SEMA3D: variants seen among roughly 807,000 people sequenced by gnomAD.
SEMA3D encodes semaphorin 3D.
A neutral mutation model predicts 100.1 loss-of-function variants in SEMA3D; 84 were observed. The observed-to-expected ratio is 0.84, with a 90% CI of 0.70 to 1.01. SEMA3D has a LOEUF of 1.01. Among genes scored for constraint, SEMA3D ranks in the 50% least tolerant of loss-of-function variants. SEMA3D has a pLI of 0.00. For synonymous variants in SEMA3D, 312 were observed against 320.7 expected, an observed-to-expected ratio of 0.97 and a Z score of 0.29; for missense variants, 875 against 934.1, an observed-to-expected ratio of 0.94 and a Z score of 0.82.
At chr7:85,119,997 C>A (rs1789363453) in intron 3 of SEMA3D, among the ~76,000 whole-genome samples, 2 of 148,418 alleles carry the variant, frequency 1.3e-5, no homozygotes, top group East Asian at 2.0e-4. Flanking sequence ...GTCTTGCATA[C>A]AATGATGCAG....
chr7:85,135,572 G>A (rs1357483317), intron 2 of SEMA3D, among the ~76,000 whole-genome samples: 3 of 151,518 alleles, frequency 2.0e-5, no homozygotes, highest in African/African-American at 4.9e-5. Flanking sequence ...GAGTTAATGG[G>A]TGCAGCACAC....
chr7:85,123,503 G>T (rs972418559), intron 2 of SEMA3D, among the ~76,000 whole-genome samples: 1 of 152,076 alleles, frequency 6.6e-6, no homozygotes, highest in African/African-American at 2.4e-5. Context: ...GTATTAAAAT[G>T]TCTCCCAGAC....
the SEMA3D span, among the ~76,000 whole-genome samples, chr7:85,243,052 A>C: frequency 6.6e-6 from 1 of 152,110 alleles, no homozygotes; most frequent in South Asian, 2.1e-4. Context: ...GTTATCACCA[A>C]CCAGTTCTGC....
intron 15 of SEMA3D, among the ~76,000 whole-genome samples, chr7:85,016,541 C>T (rs919995595): frequency 4.6e-5 from 7 of 151,556 alleles, no homozygotes; most frequent in South Asian, 2.1e-4. Context: ...TCTATTTCCT[C>T]CCCTCCCTTG....
chr7:85,075,103 G>T (rs1583897802), intron 5 of SEMA3D, among the ~76,000 whole-genome samples: 2 of 152,158 alleles, frequency 1.3e-5, no homozygotes, highest in South Asian at 2.1e-4. Context: ...TTATTCCTTG[G>T]TTTTTCCTGC....
At chr7:85,236,307 T>G in the SEMA3D span, among the ~76,000 whole-genome samples, 6 of 137,538 alleles carry the variant, frequency 4.4e-5, no homozygotes, top group East Asian at 2.7e-4. Context: ...ATTTATTTAT[T>G]TATTTATTTA....
At chr7:85,248,604 A>T in the SEMA3D span, among the ~76,000 whole-genome samples, 1 of 152,174 alleles carries the variant, frequency 6.6e-6, no homozygotes, top group South Asian at 2.1e-4. Context: ...ATATAGAAAT[A>T]AAACGTGATA....
intron 4 of SEMA3D, among the ~76,000 whole-genome samples, chr7:85,094,074 T>C (rs528913813): frequency 3.3e-5 from 5 of 152,076 alleles, no homozygotes; most frequent in African/African-American, 4.8e-5. Context: ...CAGAACTTGA[T>C]AGTAAATTAT....
At position 85,079,609 on chromosome 7, in the gene SEMA3D, G is replaced by A. The variant is rs536642459; in HGVS notation, c.375+1908C>T. Among the ~76,000 whole-genome samples the A allele has an allele frequency of 2.0e-5, 3 of 152,182 alleles. No homozygotes were observed. In the South Asian group the frequency reaches 6.2e-4, roughly 32 times the overall value. On this transcript the variant is annotated intron_variant, in intron 5 of 18. Transcript: ENST00000284136. Reference sequence around the variant, plus strand: ...TTAAGTTACTATGTAACTGGAATTAGTGAACATACCCAAGTGAGAGCACTG... The same window carrying A: ...TTAAGTTACTATGTAACTGGAATTAATGAACATACCCAAGTGAGAGCACTG...
At chr7:85,242,298 T>A in the SEMA3D span, among the ~76,000 whole-genome samples, 1 of 152,198 alleles carries the variant, frequency 6.6e-6, no homozygotes, top group Non-Finnish European at 1.5e-5. Flanking sequence ...TCTAATATAA[T>A]TATTCAGTGC....
intron 1 of SEMA3D, chr7:85,160,154 G>C (rs1184918424): frequency 2.0e-6 from 1 of 497,420 alleles, no homozygotes; most frequent in South Asian, 8.8e-5. Context: ...TTATTGATCT[G>C]ATAGAAAACA....
the SEMA3D span, among the ~76,000 whole-genome samples, chr7:85,202,003 A>C: frequency 6.6e-6 from 1 of 151,820 alleles, no homozygotes; most frequent in Non-Finnish European, 1.5e-5. Flanking sequence ...TACAGGCATG[A>C]GCTATCACAC....
At chr7:85,034,460 A>T (rs1264433787) in intron 12 of SEMA3D, among the ~76,000 whole-genome samples, 1 of 151,776 alleles carries the variant, frequency 6.6e-6, no homozygotes, top group Non-Finnish European at 1.5e-5. Flanking sequence ...TACAAAAATT[A>T]GCTGGGCATG....
At chr7:85,141,218 C>T (rs1790042457) in intron 2 of SEMA3D, 1 of 983,880 alleles carries the variant, frequency 1.0e-6, no homozygotes, top group South Asian at 4.7e-5. Flanking sequence ...AACCCCCTCT[C>T]TTATTTTTCA....
intron 1 of SEMA3D, among the ~76,000 whole-genome samples, chr7:85,171,876 T>A (rs1185860164): frequency 6.6e-6 from 1 of 151,850 alleles, no homozygotes; most frequent in African/African-American, 2.4e-5. Flanking sequence ...ATTGTTTCCT[T>A]CTCTTGATTT....
intron 3 of SEMA3D, among the ~76,000 whole-genome samples, chr7:85,120,568 T>G (rs879513242): frequency 2.7e-5 from 4 of 149,072 alleles, no homozygotes; most frequent in Non-Finnish European, 5.9e-5. Context: ...CTCAGGAGGC[T>G]GAGGTGGGAG....
At chr7:85,178,375 T>C (rs1791299109) in intron 1 of SEMA3D, among the ~76,000 whole-genome samples, 2 of 152,170 alleles carry the variant, frequency 1.3e-5, no homozygotes, top group South Asian at 4.1e-4. Context: ...CTTCTGAGAC[T>C]TGTTGAATGG....
chr7:85,156,873 T>A (rs909810236), intron 1 of SEMA3D, among the ~76,000 whole-genome samples: 2 of 152,194 alleles, frequency 1.3e-5, no homozygotes, highest in African/African-American at 4.8e-5. Context: ...AGACAGTTTA[T>A]GGAAATCCCC....
At chr7:85,023,934 CT>C (rs1250430659) in intron 12 of SEMA3D, among the ~76,000 whole-genome samples, 4 of 151,812 alleles carry the variant, frequency 2.6e-5, no homozygotes, top group African/African-American at 9.7e-5. Flanking sequence ...CTGATACTTT[CT>C]GGATATTTAG....
Sources: gnomAD v4.1 joint callset for allele counts (sites outside exome capture counted in the v4.1 genomes callset) on GRCh38, gnomAD v4.1.1 for gene constraint, MANE v1.5 for transcripts, NCBI Gene and HGNC (gene_info 2026-07-23, HGNC 2026-07-21) for gene names.